Variants in TSHZ3 observed in about 807,000 individuals in gnomAD.
TSHZ3 encodes the protein teashirt homolog 3.
A neutral mutation model predicts 64.5 loss-of-function variants in TSHZ3; 10 were observed. The ratio of observed to expected loss-of-function variants is 0.16; its 90% confidence interval spans 0.10 to 0.26. The LOEUF (loss-of-function observed/expected upper bound fraction) is 0.26. Ranked by LOEUF, TSHZ3 falls within the 10% of genes least tolerant of loss-of-function variation. The pLI, the probability that TSHZ3 is intolerant of heterozygous loss-of-function variation, is 1.00. For missense variants in TSHZ3, 1,242 were observed against 1,421.7 expected, an observed-to-expected ratio of 0.87 and a Z score of 2.03; for synonymous variants, 608 against 593.1, an observed-to-expected ratio of 1.03 and a Z score of -0.36.
chr19:31,348,327 A>G (rs866553099), intron 1 of TSHZ3, among the ~76,000 whole-genome samples: 11 of 152,322 alleles, frequency 7.2e-5, no homozygotes, highest in Middle Eastern at 3.4e-3. Context: ...CTTCCAGGCA[A>G]CATGCCCCCA....
chr19:31,241,220 T>A (rs1975684222), intron 3 of TSHZ3, among the ~76,000 whole-genome samples: 1 of 152,182 alleles, frequency 6.6e-6, no homozygotes, highest in Admixed American at 6.5e-5. Flanking sequence ...TTATGTTTTT[T>A]AAATAATAAA....
intron 1 of TSHZ3, among the ~76,000 whole-genome samples, chr19:31,263,620 G>A (rs941507920): frequency 7.2e-5 from 11 of 152,100 alleles, no homozygotes; most frequent in Non-Finnish European, 1.5e-4. Flanking sequence ...CATTTTGTGC[G>A]GGGCCAAGAG....
At chr19:31,307,157 T>C (rs1916323626) in intron 1 of TSHZ3, among the ~76,000 whole-genome samples, 1 of 152,216 alleles carries the variant, frequency 6.6e-6, no homozygotes, top group Non-Finnish European at 1.5e-5. Flanking sequence ...AATGCATCTA[T>C]TCCCATAATT....
intron 5 of TSHZ3, among the ~76,000 whole-genome samples, chr19:31,174,605 A>G (rs1023946289): frequency 6.6e-6 from 1 of 152,180 alleles, no homozygotes; most frequent in Non-Finnish European, 1.5e-5. Context: ...TTAGTTATTT[A>G]TCTGGTTATC....
chr19:31,150,621 C>CG (rs1974226324), exon 7 of TSHZ3, among the ~76,000 whole-genome samples: 1 of 152,202 alleles, frequency 6.6e-6, no homozygotes, highest in Non-Finnish European at 1.5e-5. Context: ...CCACAGCGCA[C>CG]GGGGCAGACA....
At chr19:31,177,141 A>G (rs1258407292) in intron 5 of TSHZ3, among the ~76,000 whole-genome samples, 4 of 152,170 alleles carry the variant, frequency 2.6e-5, no homozygotes, top group Non-Finnish European at 1.5e-5. Flanking sequence ...CATAGTATAG[A>G]ATTGCTATAA....
intron 1 of TSHZ3, among the ~76,000 whole-genome samples, chr19:31,299,215 AC>A (rs1269260289): frequency 6.6e-6 from 1 of 152,188 alleles, no homozygotes; most frequent in Admixed American, 6.5e-5. Context: ...GTGACACACA[AC>A]CGCATGGCGA....
At chr19:31,199,280 T>C (rs1373957790) in intron 5 of TSHZ3, among the ~76,000 whole-genome samples, 1 of 151,192 alleles carries the variant, frequency 6.6e-6, no homozygotes, top group Non-Finnish European at 1.5e-5. Context: ...GGCGGGCGCC[T>C]GTAGTCCCAG....
intron 1 of TSHZ3, among the ~76,000 whole-genome samples, chr19:31,243,573 C>T (rs538021474): frequency 6.6e-6 from 1 of 152,260 alleles, no homozygotes; most frequent in East Asian, 1.9e-4. Flanking sequence ...GTGGTGACCG[C>T]CCTGCCGCCT....
chr19:31,180,387 G>A (rs1235797960), intron 5 of TSHZ3, among the ~76,000 whole-genome samples: 3 of 152,296 alleles, frequency 2.0e-5, no homozygotes, highest in South Asian at 4.1e-4. Flanking sequence ...CAGTGGCACC[G>A]TGACATTTCT....
At chr19:31,164,672 G>C (rs1283705850) in intron 5 of TSHZ3, among the ~76,000 whole-genome samples, 1 of 152,124 alleles carries the variant, frequency 6.6e-6, no homozygotes, top group Admixed American at 6.5e-5. Flanking sequence ...AATGATGGGC[G>C]AGTGAGCCAG....
rs1976650896 is a variant in TSHZ3, at chr19:31,295,827, A to G, written c.41-16075T>C. ...GGGGGTACAGGTACAGGTTTATTACATGGCCATATTGTGTGATGCTGAGGT... is the reference window on the plus strand; with the variant it reads ...GGGGGTACAGGTACAGGTTTATTACGTGGCCATATTGTGTGATGCTGAGGT... On this transcript the variant is annotated intron_variant, in intron 1 of 1. Coordinates refer to ENST00000240587, the MANE Select transcript of TSHZ3 (RefSeq NM_020856.4). Among the ~76,000 whole-genome samples the G allele has an allele frequency of 6.0e-5, 9 of 150,948 alleles. No individual in the cohort carries two copies. The South Asian group carries it at 1.7e-3, about 29-fold the overall frequency.
chr19:31,297,841 C>T (rs868036589), intron 1 of TSHZ3, among the ~76,000 whole-genome samples: 7 of 152,248 alleles, frequency 4.6e-5, no homozygotes, highest in Middle Eastern at 3.4e-3. Flanking sequence ...ATAGGTACAA[C>T]CCCCACCCAT....
chr19:31,170,154 C>G (rs1472584802), intron 5 of TSHZ3, among the ~76,000 whole-genome samples: 3 of 152,114 alleles, frequency 2.0e-5, no homozygotes, highest in Non-Finnish European at 4.4e-5. Flanking sequence ...GCTTAAACAA[C>G]AGGGATGTAT....
intron 5 of TSHZ3, among the ~76,000 whole-genome samples, chr19:31,196,588 A>G (rs1378631528): frequency 6.6e-6 from 1 of 152,026 alleles, no homozygotes; most frequent in Non-Finnish European, 1.5e-5. Flanking sequence ...AACCCACTTT[A>G]AATACAAAGA....
chr19:31,219,628 T>C (rs573643937), intron 4 of TSHZ3, among the ~76,000 whole-genome samples: 1 of 152,080 alleles, frequency 6.6e-6, no homozygotes, highest in African/African-American at 2.4e-5. Flanking sequence ...GAATTTTTAA[T>C]TTTATTTAAT....
intron 1 of TSHZ3, among the ~76,000 whole-genome samples, chr19:31,331,118 C>T (rs765674392): frequency 2.6e-5 from 4 of 152,074 alleles, no homozygotes; most frequent in African/African-American, 9.7e-5. Flanking sequence ...AGGGAAACGG[C>T]GCATGTAACC....
chr19:31,302,248 C>T (rs1032488852), intron 1 of TSHZ3, among the ~76,000 whole-genome samples: 2 of 152,236 alleles, frequency 1.3e-5, no homozygotes, highest in Admixed American at 1.3e-4. Context: ...CTCAGAGGCC[C>T]GGAGCTGACC....
At chr19:31,162,106 T>C (rs1974380929) in intron 5 of TSHZ3, among the ~76,000 whole-genome samples, 1 of 152,160 alleles carries the variant, frequency 6.6e-6, no homozygotes, top group Admixed American at 6.5e-5. Flanking sequence ...GCCAATGTGG[T>C]GATTTGAAGC....
Sources: gnomAD v4.1 joint callset for allele counts (sites outside exome capture counted in the v4.1 genomes callset) on GRCh38, gnomAD v4.1.1 for gene constraint, MANE v1.5 for transcripts, NCBI Gene and HGNC (gene_info 2026-07-23, HGNC 2026-07-21) for gene names.